COL19A1: variants seen among roughly 807,000 people sequenced by gnomAD.
The protein encoded by COL19A1 is collagen type XIX alpha 1 chain.
COL19A1 carries 159 observed loss-of-function variants against 190.2 expected under a neutral mutation model. The observed-to-expected ratio is 0.84, with a 90% CI of 0.73 to 0.95. The LOEUF (loss-of-function observed/expected upper bound fraction) is 0.95. Ranked by LOEUF, COL19A1 falls within the 40% of genes least tolerant of loss-of-function variation. COL19A1 has a pLI of 0.00. For synonymous variants in COL19A1, 509 were observed against 458.9 expected (o/e 1.11, Z -1.39); for missense variants, 1,418 against 1,431.9 (o/e 0.99, Z 0.16).
chr6:70,028,799 A>T (rs1204273994), intron 12 of COL19A1, among the ~76,000 whole-genome samples: 2 of 152,142 alleles, frequency 1.3e-5, no homozygotes, highest in Non-Finnish European at 2.9e-5. Flanking sequence ...TGTGAAGATT[A>T]AAGGGACTAT....
chr6:70,082,938 A>T (rs1458460272), intron 15 of COL19A1, among the ~76,000 whole-genome samples: 1 of 152,096 alleles, frequency 6.6e-6, no homozygotes, highest in Non-Finnish European at 1.5e-5. Flanking sequence ...CTCCTATGAG[A>T]ATCTAATGCC....
chr6:70,113,495 A>G (rs1784392491), intron 16 of COL19A1, among the ~76,000 whole-genome samples: 1 of 152,164 alleles, frequency 6.6e-6, no homozygotes, highest in African/African-American at 2.4e-5. Flanking sequence ...CACCAAAATC[A>G]TCCCCAAGCA....
Position 70,206,968 on chromosome 6 carries a change from T to A in COL19A1, c.3291T>A (p.Pro1097=), listed in dbSNP as rs766836582. 9.3e-6 allele frequency: 15 copies of A among 1,613,666 alleles called. No homozygotes were observed. The East Asian group carries it at 3.1e-4, about 34-fold the overall frequency. ...GIGLPGSPGL[P]GTSALGLPGS... ...GGCTGCCAGGGAGTCCAGGTCTTCC[T>A]GGGACTTCAGGTAAGTGGGATATTG... Residue 1097 remains proline (P), a synonymous_variant, in exon 50 of 51, where the codon CCT becomes CCA. Coordinates refer to ENST00000620364, the MANE Select transcript of COL19A1 (RefSeq NM_001858.6).
intron 11 of COL19A1, among the ~76,000 whole-genome samples, chr6:69,976,169 G>A (rs1039927449): frequency 5.9e-5 from 9 of 152,194 alleles, no homozygotes; most frequent in Admixed American, 2.0e-4. Context: ...GATTCTCAGA[G>A]ATTCATCTCA....
intron 17 of COL19A1, among the ~76,000 whole-genome samples, chr6:70,123,602 T>C (rs1785012884): frequency 7.8e-6 from 1 of 128,004 alleles, no homozygotes; most frequent in Non-Finnish European, 1.6e-5. Context: ...ATGTGGCACA[T>C]ATACACCATG....
intron 6 of COL19A1, 81 bp from the exon 7 acceptor site, chr6:69,932,702 G>T: frequency 4.2e-6 from 3 of 713,692 alleles, no homozygotes; most frequent in Admixed American, 5.8e-5. Context: ...TTTTCTTTCT[G>T]ATTAAATTAC....
Position 69,921,293 on chromosome 6 carries a change from T to TC in COL19A1, c.267-6616_267-6615insC, listed in dbSNP as rs1561997331. Reference sequence around the variant, plus strand: ...CATATATATCATATATCATATATCATATATATCATATATCATATATCATAT... The same window carrying TC: ...CATATATATCATATATCATATATCATCATATATCATATATCATATATCATAT... On this transcript the variant is annotated intron_variant, in intron 4 of 50. Coordinates refer to ENST00000620364, the MANE Select transcript of COL19A1 (RefSeq NM_001858.6). Among the ~76,000 whole-genome samples the TC allele has an allele frequency of 3.4e-3, 451 of 131,278 alleles. 6 individuals are homozygous for TC. Among genetic ancestry groups the TC allele is most frequent in the African/African-American group, 0.012 (425 of 35,114 alleles). 86.1% of individuals were successfully genotyped at this position (131,278 alleles called of 152,430 possible). A position where few individuals can be genotyped will look rare whatever the true frequency, so the allele number is the denominator to read the frequency against.
intron 11 of COL19A1, among the ~76,000 whole-genome samples, chr6:69,997,291 G>A (rs1032001320): frequency 1.3e-5 from 2 of 152,064 alleles, no homozygotes; most frequent in Admixed American, 1.3e-4. Context: ...CAATGATTAG[G>A]TTATTTGGAC....
At chr6:70,196,889 C>T (rs753068787) in intron 48 of COL19A1, among the ~76,000 whole-genome samples, 1 of 152,082 alleles carries the variant, frequency 6.6e-6, no homozygotes, top group African/African-American at 2.4e-5. Context: ...AATTATAGAG[C>T]ATTAGGGTAG....
At position 69,954,179 on chromosome 6, in the gene COL19A1, A is replaced by C. The variant is rs116508805; in HGVS notation, c.937-5817A>C. On this transcript the variant is annotated intron_variant, in intron 9 of 50. Transcript: ENST00000620364. ...CAAAACACATGCATTTTTTTCATGA[A>C]TTCTCCCAGGCCACCAGGCAAAATT... 7.4e-3 allele frequency among the ~76,000 whole-genome samples: 1,121 copies of C among 152,078 alleles called. 17 individuals are homozygous for C. The highest frequency in any genetic ancestry group is 0.025 in the African/African-American group (1,052 of 41,506).
chr6:69,964,825 C>T (rs557412864), intron 11 of COL19A1, among the ~76,000 whole-genome samples: 5 of 152,026 alleles, frequency 3.3e-5, no homozygotes, highest in Admixed American at 6.5e-5. Context: ...ATGTAATAAC[C>T]GTTATGTTAC....
At chr6:70,172,046 T>C in intron 41 of COL19A1, 29 bp downstream of exon 41, 3 of 1,601,824 alleles carry the variant, frequency 1.9e-6, no homozygotes, top group Non-Finnish European at 2.6e-6. Flanking sequence ...AATGTGTTCA[T>C]TTATTCAACA....
chr6:70,019,947 G>T (rs1006302806), intron 11 of COL19A1, among the ~76,000 whole-genome samples: 5 of 151,956 alleles, frequency 3.3e-5, no homozygotes, highest in African/African-American at 1.2e-4. Context: ...TATTAAATAT[G>T]CAACACTTGT....
intron 4 of COL19A1, among the ~76,000 whole-genome samples, chr6:69,912,036 A>G (rs946027731): frequency 3.3e-5 from 5 of 152,176 alleles, no homozygotes; most frequent in African/African-American, 1.2e-4. Context: ...CAGCTGTCCT[A>G]ATTCCAATGC....
At chr6:70,151,322 C>T (rs2150246682) in intron 30 of COL19A1, 75 bp from the exon 31 acceptor site, 1 of 1,458,954 alleles carries the variant, frequency 6.9e-7, no homozygotes, top group Non-Finnish European at 9.6e-7. Context: ...AAAATGTCTA[C>T]ATTATACTGT....
chr6:70,164,821 C>G (rs1765037615), intron 36 of COL19A1, among the ~76,000 whole-genome samples: 1 of 152,194 alleles, frequency 6.6e-6, no homozygotes, highest in African/African-American at 2.4e-5. Flanking sequence ...ATAGCCACAT[C>G]AAAGCAGTTT....
At chr6:70,132,979 A>G (rs1267589031) in intron 18 of COL19A1, among the ~76,000 whole-genome samples, 1 of 152,200 alleles carries the variant, frequency 6.6e-6, no homozygotes, top group Non-Finnish European at 1.5e-5. Flanking sequence ...ACTAAAACAC[A>G]TATAAAGCCC....
chr6:69,952,042 T>C lies in COL19A1; in HGVS notation c.937-7954T>C, dbSNP rs534157298. Among the ~76,000 whole-genome samples, 465 of 152,038 alleles carry C rather than the reference T, an allele frequency of 3.1e-3. 3 individuals are homozygous for C. Among genetic ancestry groups the C allele is most frequent in the Non-Finnish European group, 4.4e-3 (298 of 67,884 alleles). ...GAACTGCAGTTTGCTTCGGACATCC[T>C]GCTCCAAGGAGGGCTGTGTCCCTTC... On this transcript the variant is annotated intron_variant, in intron 9 of 50. Coordinates refer to ENST00000620364, the MANE Select transcript of COL19A1 (RefSeq NM_001858.6).
intron 15 of COL19A1, among the ~76,000 whole-genome samples, chr6:70,070,364 G>A (rs957020797): frequency 2.6e-5 from 4 of 152,122 alleles, no homozygotes; most frequent in African/African-American, 4.8e-5. Flanking sequence ...TTATAAATGC[G>A]TATAGTCCAG....
Sources: gnomAD v4.1 joint callset for allele counts (sites outside exome capture counted in the v4.1 genomes callset) on GRCh38, gnomAD v4.1.1 for gene constraint, MANE v1.5 for transcripts, NCBI Gene and HGNC (gene_info 2026-07-23, HGNC 2026-07-21) for gene names.